CD44: variants seen among roughly 807,000 people sequenced by gnomAD.
The protein encoded by CD44 is CD44 antigen.
In CD44, 49 loss-of-function variants were observed where a neutral mutation model predicts 88.8. The ratio of observed to expected loss-of-function variants is 0.55; its 90% CI spans 0.44 to 0.70. The LOEUF is 0.70. Among genes scored for constraint, CD44 ranks in the 30% least tolerant of loss-of-function variants. The pLI, the probability that CD44 is intolerant of heterozygous loss-of-function variation, is 0.00. For missense variants in CD44, 883 were observed against 913.8 expected (o/e 0.97, Z 0.43); for synonymous variants, 325 against 312.3 (o/e 1.04, Z -0.43).
chr11:35,139,202 G>C lies in CD44; in HGVS notation c.-102G>C. 1 of 876,024 alleles carries C rather than the reference G, an allele frequency of 1.1e-6. No individual in the cohort carries two copies. Among genetic ancestry groups the C allele is most frequent in the Non-Finnish European group, 1.9e-6 (1 of 538,590 alleles). The allele number at this position is 876,024 out of a possible 1,614,324, so 54.3% of individuals were successfully genotyped here. On this transcript the variant is annotated 5_prime_UTR_variant, in exon 1 of 18. Transcript: ENST00000428726. ...GCCCAGCGGACCCCAGCCTCTGCCA[G>C]GTTCGGTCCGCCATCCTCGTCCCGT...
At chr11:35,158,969 G>A (rs61041005) in intron 1 of CD44, among the ~76,000 whole-genome samples, 1,703 of 152,310 alleles carry the variant, frequency 0.011, 46 homozygotes, top group African/African-American at 0.039. Flanking sequence ...GCAGTGGGTG[G>A]TGGGGCTGGA....
At chr11:35,196,618 C>G in intron 5 of CD44, 128 bp from the exon 6 acceptor site, 1 of 1,037,616 alleles carries the variant, frequency 9.6e-7, no homozygotes, top group South Asian at 2.0e-5. Flanking sequence ...TTTTCCCTTT[C>G]TTTTCACCAT....
intron 1 of CD44, among the ~76,000 whole-genome samples, chr11:35,159,572 A>G (rs1208857542): frequency 6.6e-6 from 1 of 152,210 alleles, no homozygotes; most frequent in East Asian, 1.9e-4. Context: ...AGGGAAAAAA[A>G]ACGGACATTT....
intron 1 of CD44, among the ~76,000 whole-genome samples, chr11:35,166,034 GA>G (rs200890008): frequency 1.3e-5 from 2 of 150,950 alleles, no homozygotes; most frequent in African/African-American, 2.4e-5. Flanking sequence ...TAACTACCCA[GA>G]AAAAAAAATA....
chr11:35,157,336 T>TATC (rs1352225059), intron 1 of CD44, among the ~76,000 whole-genome samples: 1 of 151,766 alleles, frequency 6.6e-6, no homozygotes, highest in Non-Finnish European at 1.5e-5. Context: ...TCTATCTATC[T>TATC]ATCTATCTAT....
intron 1 of CD44, among the ~76,000 whole-genome samples, chr11:35,173,961 G>C (rs1003865904): frequency 6.6e-6 from 1 of 152,136 alleles, no homozygotes; most frequent in Non-Finnish European, 1.5e-5. Context: ...TTAAGAGCTG[G>C]GTGACGTTGG....
At chr11:35,142,412 A>G (rs1453715824) in intron 1 of CD44, among the ~76,000 whole-genome samples, 1 of 152,070 alleles carries the variant, frequency 6.6e-6, no homozygotes, top group Non-Finnish European at 1.5e-5. Context: ...CAAATGTCCA[A>G]CAATGATAGA....
rs919340887 is a variant in CD44 at position 35,230,860 on chromosome 11, C to T, written c.*1527C>T. 1 of 152,238 alleles carries T rather than the reference C, an allele frequency of 6.6e-6. No homozygotes were observed. Among genetic ancestry groups the T allele is most frequent in the South Asian group, 2.1e-4 (1 of 4,832 alleles). 9.4% of individuals were successfully genotyped at this position (152,238 alleles called of 1,614,324 possible). A position where few individuals can be genotyped will look rare whatever the true frequency, so the allele number is the denominator to read the frequency against. ...AACGGCTCCTGTTAAATGGTATCTC[C>T]TTTCTGAGGCTCCTACTAAAAGTCA... On this transcript the variant is annotated 3_prime_UTR_variant, in exon 18 of 18. Transcript: ENST00000428726.
intron 2 of CD44, among the ~76,000 whole-genome samples, chr11:35,178,635 CA>C (rs1294180623): frequency 7.2e-5 from 11 of 152,202 alleles, no homozygotes; most frequent in South Asian, 4.2e-4. Flanking sequence ...TTAATATCCC[CA>C]ATTTACAGTT....
intron 2 of CD44, among the ~76,000 whole-genome samples, chr11:35,179,087 T>C (rs749455206): frequency 5.3e-5 from 8 of 152,198 alleles, no homozygotes; most frequent in Non-Finnish European, 1.0e-4. Context: ...CCAGTTTGTC[T>C]GTTCAGATGA....
Position 35,230,222 on chromosome 11 carries a change from G to GT in CD44, c.*901dup, listed in dbSNP as rs397849775. Reference sequence around the variant, plus strand: ...GCACTGTTTTTGTTTTTTGTTTTTTGTTTTTTTTTTTTGACACTGTCCAAA... The same window carrying GT: ...GCACTGTTTTTGTTTTTTGTTTTTTGTTTTTTTTTTTTTGACACTGTCCAAA... On this transcript the variant is annotated 3_prime_UTR_variant, in exon 18 of 18. Coordinates refer to ENST00000428726, the MANE Select transcript of CD44 (RefSeq NM_000610.4). The GT allele has an allele frequency of 0.37, 53,773 of 144,954 alleles. 9,906 individuals carry two copies. Among genetic ancestry groups the GT allele is most frequent in the Middle Eastern group, 0.48 (134 of 280 alleles). The allele number at this position is 144,954 out of a possible 1,614,324, so 9.0% of individuals were successfully genotyped here.
intron 15 of CD44, among the ~76,000 whole-genome samples, chr11:35,217,447 G>A (rs2134296248): frequency 6.6e-6 from 1 of 152,060 alleles, no homozygotes; most frequent in East Asian, 1.9e-4. Context: ...AGTGTCCCAT[G>A]AGTTGGGCAG....
intron 17 of CD44, among the ~76,000 whole-genome samples, chr11:35,227,627 T>A (rs1176585054): frequency 6.6e-6 from 1 of 152,202 alleles, no homozygotes; most frequent in Non-Finnish European, 1.5e-5. Context: ...CTACCTCCTG[T>A]TGAGGAGGTA....
At chr11:35,169,666 C>G (rs1413664981) in intron 1 of CD44, among the ~76,000 whole-genome samples, 4 of 152,226 alleles carry the variant, frequency 2.6e-5, no homozygotes, top group Non-Finnish European at 5.9e-5. Context: ...TCAGAAATAA[C>G]TGGGGTGGAC....
chr11:35,179,629 G>T (rs985723012), intron 2 of CD44, among the ~76,000 whole-genome samples: 1 of 152,174 alleles, frequency 6.6e-6, no homozygotes, highest in Middle Eastern at 3.2e-3. Flanking sequence ...CCATTGTAAT[G>T]ATGGTTAATT....
At chr11:35,216,979 A>G (rs1381814358) in intron 15 of CD44, among the ~76,000 whole-genome samples, 1 of 152,220 alleles carries the variant, frequency 6.6e-6, no homozygotes, top group African/African-American at 2.4e-5. Context: ...ATCTCTGTGC[A>G]TATGTCTCAG....
chr11:35,170,589 G>A (rs1943765550), intron 1 of CD44, among the ~76,000 whole-genome samples: 1 of 152,226 alleles, frequency 6.6e-6, no homozygotes, highest in Admixed American at 6.5e-5. Context: ...CTCAGAGGGA[G>A]GCACTTGGGA....
chr11:35,164,957 G>A (rs528177211), intron 1 of CD44, among the ~76,000 whole-genome samples: 2 of 152,282 alleles, frequency 1.3e-5, no homozygotes, highest in South Asian at 2.1e-4. Context: ...TTTATTGCAG[G>A]ACTTACTAAG....
At chr11:35,195,042 T>C (rs1032180301) in intron 5 of CD44, among the ~76,000 whole-genome samples, 1 of 152,224 alleles carries the variant, frequency 6.6e-6, no homozygotes, top group Non-Finnish European at 1.5e-5. Flanking sequence ...GTGTAGGAAA[T>C]GACCTGTTGC....
Sources: allele counts gnomAD v4.1 joint callset (sites outside exome capture counted in the v4.1 genomes callset), GRCh38; gene constraint gnomAD v4.1.1; transcripts MANE v1.5; gene names NCBI Gene and HGNC (gene_info 2026-07-23, HGNC 2026-07-21).